Variants in SHC2 observed in about 807,000 individuals in gnomAD.
SHC2 encodes the protein SHC adaptor protein 2, also known as SHC-transforming protein 2.
A neutral mutation model predicts 60.6 loss-of-function variants in SHC2; 62 were observed. That is an observed-to-expected ratio of 1.02 (90% CI 0.83 to 1.26). The LOEUF (loss-of-function observed/expected upper bound fraction) is 1.26. Ranked by LOEUF, SHC2 falls within the 50% of genes most tolerant of loss-of-function variation. The pLI is 0.00. For missense variants in SHC2, 873 were observed against 822.2 expected, an observed-to-expected ratio of 1.06 and a Z score of -0.76; for synonymous variants, 375 against 372.4, an observed-to-expected ratio of 1.01 and a Z score of -0.08.
At chr19:439,070 G>T (rs751667761) in intron 2 of SHC2, 40 bp from the exon 3 acceptor site, 59 of 1,475,094 alleles carry the variant, frequency 4.0e-5, no homozygotes, top group Non-Finnish European at 5.2e-5. Context: ...TGTGGTGGGG[G>T]TGGCCATGGA....
rs372052249 is a variant in SHC2, at chr19:428,926, C to T, written c.1174+1758G>A. 2.4e-4 allele frequency among the ~76,000 whole-genome samples: 33 copies of T among 135,444 alleles called. No individual in the cohort carries two copies. In the South Asian group the frequency reaches 6.6e-3, roughly 27 times the overall value. The allele number at this position is 135,444 out of a possible 152,430, so 88.9% of individuals were successfully genotyped here. ...TATATCCCAACATGCACGGAAACCT[C>T]ATACCGTGTGGATGACGCAGTACCT... On this transcript the variant is annotated intron_variant, in intron 9 of 12. Coordinates refer to ENST00000264554, the MANE Select transcript of SHC2 (RefSeq NM_012435.3).
intron 11 of SHC2, among the ~76,000 whole-genome samples, chr19:421,943 A>G (rs1369655953): frequency 1.3e-5 from 2 of 152,216 alleles, no homozygotes; most frequent in Non-Finnish European, 2.9e-5. Context: ...GTAATTCTAC[A>G]GTAGCTGGTC....
chr19:429,765 C>T lies in SHC2; in HGVS notation c.1174+919G>A, dbSNP rs548790726. On this transcript the variant is annotated intron_variant, in intron 9 of 12. Transcript: ENST00000264554. ...CCCAACATGCTCGGAAACCTAACAC[C>T]GTGTGGATGACGCAGTACCTATACC... 3.2e-4 allele frequency among the ~76,000 whole-genome samples: 48 copies of T among 150,060 alleles called. No individual in the cohort carries two copies. The South Asian group carries it at 8.3e-3, about 26-fold the overall frequency.
In SHC2 at chr19:453,436, A is replaced by C. The variant is rs1236891477; in HGVS notation, c.468+7093T>G. On this transcript the variant is annotated intron_variant, in intron 1 of 12. Coordinates refer to ENST00000264554, the MANE Select transcript of SHC2 (RefSeq NM_012435.3). This position sits in a 1 kb window ranked among gnomAD's most constrained non-coding sequence, Gnocchi z 6.3. ...AGGTGTGCACCACCCTGCCTGGCTAATGTTTTTTCTTTTTTGGTAGAGACA... is the reference window on the plus strand; with the variant it reads ...AGGTGTGCACCACCCTGCCTGGCTACTGTTTTTTCTTTTTTGGTAGAGACA... 6.6e-6 allele frequency among the ~76,000 whole-genome samples: 1 copy of C among 152,004 alleles called. No homozygotes were observed. The highest frequency in any genetic ancestry group is 1.5e-5 in the Non-Finnish European group (1 of 67,990).
At position 438,317 on chromosome 19, in the gene SHC2, G is replaced by A. The variant is rs975942917; in HGVS notation, c.720+401C>T. 8.5e-5 allele frequency among the ~76,000 whole-genome samples: 13 copies of A among 152,252 alleles called. No homozygotes were observed. Among genetic ancestry groups the A allele is most frequent in the African/African-American group, 2.4e-4 (10 of 41,458 alleles). ...GTTACAGGCGTGAGCAACCAAGCCC[G>A]AGCCTGGTCTGCAATTATACTTTTG... On this transcript the variant is annotated intron_variant, in intron 4 of 12. Transcript: ENST00000264554. This position sits in a 1 kb window ranked among gnomAD's most constrained non-coding sequence, Gnocchi z 5.0.
At chr19:419,318 C>T in intron 11 of SHC2, 1 of 438,750 alleles carries the variant, frequency 2.3e-6, no homozygotes, top group Admixed American at 3.7e-5. Context: ...AAGATGCGGC[C>T]AGGTCCCAGC....
intron 1 of SHC2, among the ~76,000 whole-genome samples, chr19:457,478 C>G (rs1975377592): frequency 6.6e-6 from 1 of 152,118 alleles, no homozygotes; most frequent in South Asian, 2.1e-4. Context: ...GCCTCCTGCT[C>G]TAATATCACA....
rs1568280888 is a variant in SHC2 at position 422,351 on chromosome 19, CGGCGGGTAGGGG to C, written c.1403_1414del (p.Pro468_Arg471del). ...TTCCTCCGTGGGGGCCACAGGGGCC[CGGCGGGTAGGGG>C]GGCTGGGCCACTGGTCCTCCAAGGG... On this transcript the variant is annotated inframe_deletion, in exon 11 of 13. Coordinates refer to ENST00000264554, the MANE Select transcript of SHC2 (RefSeq NM_012435.3). This position sits in a 1 kb window ranked among gnomAD's most constrained non-coding sequence, Gnocchi z 5.0. 1 of 1,606,984 alleles carries C rather than the reference CGGCGGGTAGGGG, an allele frequency of 6.2e-7. No homozygotes were observed. Among genetic ancestry groups the C allele is most frequent in the African/African-American group, 1.3e-5 (1 of 74,790 alleles).
In SHC2 at chr19:441,023, C is replaced by A; in HGVS notation, c.469-91G>T. Reference sequence around the variant, plus strand: ...CAGCAGCCCTTCGCCGCCTCCACCACCCCTGGGGTCGAGCCCTTTCCTCTG... The same window carrying A: ...CAGCAGCCCTTCGCCGCCTCCACCAACCCTGGGGTCGAGCCCTTTCCTCTG... On this transcript the variant is annotated intron_variant, in intron 1 of 12. Coordinates refer to ENST00000264554, the MANE Select transcript of SHC2 (RefSeq NM_012435.3). This position sits in a 1 kb window ranked among gnomAD's most constrained non-coding sequence, Gnocchi z 4.9. The A allele has an allele frequency of 6.5e-7, 1 of 1,537,776 alleles. No homozygotes were observed. The highest frequency in any genetic ancestry group is 8.9e-7 in the Non-Finnish European group (1 of 1,118,590).
chr19:455,002 T>C (rs550631943), intron 1 of SHC2, among the ~76,000 whole-genome samples: 83 of 152,328 alleles, frequency 5.4e-4, no homozygotes, highest in Admixed American at 7.8e-4. Flanking sequence ...CTCACTCAGC[T>C]TCTCATAAAG....
In SHC2 at chr19:422,300, T is replaced by C; in HGVS notation, c.1466A>G (p.His489Arg). Residue 489 changes from histidine (H) to arginine (R), a missense_variant, in exon 11 of 13, where the codon CAC becomes CGC. His to Arg is a conservative substitution (Grantham distance 29, BLOSUM62 0). Coordinates refer to ENST00000264554, the MANE Select transcript of SHC2 (RefSeq NM_012435.3). This position sits in a 1 kb window ranked among gnomAD's most constrained non-coding sequence, Gnocchi z 5.0. ...TGCCGCCCGGCGGCTCATCCGGCCG[T>C]GGTACCAGGGCTCCTGACGCAGCTG... ...EEQLRQEPWY[H>R]GRMSRRAAER... 1 of 1,611,904 alleles carries C rather than the reference T, an allele frequency of 6.2e-7. No homozygotes were observed. Among genetic ancestry groups the C allele is most frequent in the Non-Finnish European group, 8.5e-7 (1 of 1,179,532 alleles).
Position 424,836 on chromosome 19 carries a change from T to C in SHC2, c.1309+261A>G, listed in dbSNP as rs1974368534. On this transcript the variant is annotated intron_variant, in intron 10 of 12. Transcript: ENST00000264554. This position sits in a 1 kb window ranked among gnomAD's most constrained non-coding sequence, Gnocchi z 4.5. ...TCACCCATTACACTGCTCGGCCGCA[T>C]TCGCTAGAGAGAATGGGCCTCCCCT... 6.6e-6 allele frequency among the ~76,000 whole-genome samples: 1 copy of C among 152,118 alleles called. No individual in the cohort carries two copies. Among genetic ancestry groups the C allele is most frequent in the Admixed American group, 6.5e-5 (1 of 15,278 alleles).
intron 8 of SHC2, among the ~76,000 whole-genome samples, chr19:434,054 G>C (rs1974641750): frequency 9.0e-6 from 1 of 111,080 alleles, no homozygotes; most frequent in South Asian, 4.0e-4. Flanking sequence ...GAGATCGTGA[G>C]TGAGAGTTAG....
rs79214389 is a variant in SHC2, at chr19:428,530, T to G, written c.1174+2154A>C. Among the ~76,000 whole-genome samples the G allele has an allele frequency of 7.9e-3, 1,206 of 152,244 alleles. 90 individuals are homozygous for G. In the East Asian group the frequency reaches 0.18, roughly 22 times the overall value. On this transcript the variant is annotated intron_variant, in intron 9 of 12. Coordinates refer to ENST00000264554, the MANE Select transcript of SHC2 (RefSeq NM_012435.3). ...CACAGCAAGGTGGAAGATGGATGGG[T>G]AGCACACCCTATCTGCAAAAACAAG...
intron 10 of SHC2, among the ~76,000 whole-genome samples, chr19:423,200 C>CCTGGGGG (rs1433885045): frequency 1.2e-3 from 48 of 38,432 alleles, no homozygotes; most frequent in Middle Eastern, 0.018. Context: ...CCGCCCTGAC[C>CCTGGGGG]CTCACTCCCT....
intron 1 of SHC2, among the ~76,000 whole-genome samples, chr19:452,422 G>A (rs552806255): frequency 9.5e-5 from 12 of 125,670 alleles, no homozygotes; most frequent in Middle Eastern, 4.0e-3. Context: ...TTGGGGCATC[G>A]TACTGACTTG....
rs887408782 is a variant in SHC2 at position 422,630 on chromosome 19, G to A, written c.1310-174C>T. 1.2e-5 allele frequency: 7 copies of A among 592,698 alleles called. No individual in the cohort carries two copies. The African/African-American group carries it at 1.3e-4, about 11-fold the overall frequency. The allele number at this position is 592,698 out of a possible 1,614,324, so 36.7% of individuals were successfully genotyped here. Reference sequence around the variant, plus strand: ...CACTCTGCCCAGCCCCGTGCGTGCGGTGGGCTCACATGTGTAGCAACCTGG... The same window carrying A: ...CACTCTGCCCAGCCCCGTGCGTGCGATGGGCTCACATGTGTAGCAACCTGG... On this transcript the variant is annotated intron_variant, in intron 10 of 12. Transcript: ENST00000264554. This position sits in a 1 kb window ranked among gnomAD's most constrained non-coding sequence, Gnocchi z 5.0.
intron 8 of SHC2, 31 bp downstream of exon 8, chr19:434,678 T>G: frequency 5.0e-6 from 8 of 1,587,602 alleles, no homozygotes; most frequent in Non-Finnish European, 6.8e-6. Context: ...GGGGCATCCC[T>G]GTCCCCATCC....
In SHC2 at chr19:453,727, C is replaced by A. The variant is rs1301502501; in HGVS notation, c.468+6802G>T. 6.6e-6 allele frequency among the ~76,000 whole-genome samples: 1 copy of A among 152,216 alleles called. No individual in the cohort carries two copies. Among genetic ancestry groups the A allele is most frequent in the African/African-American group, 2.4e-5 (1 of 41,458 alleles). On this transcript the variant is annotated intron_variant, in intron 1 of 12. Transcript: ENST00000264554. The surrounding 1 kb of genome is among the most constrained non-coding windows in gnomAD (Gnocchi z 6.3). ...TCCCCGCACCTCCCAGCTTAAGGGACCCGCGATGCAGGAAGGATGAAGTGT... is the reference window on the plus strand; with the variant it reads ...TCCCCGCACCTCCCAGCTTAAGGGAACCGCGATGCAGGAAGGATGAAGTGT...
Sources: gnomAD v4.1 joint callset for allele counts (sites outside exome capture counted in the v4.1 genomes callset) on GRCh38, gnomAD v4.1.1 for gene constraint, Gnocchi (gnomAD v3.1) non-coding constraint, MANE v1.5 for transcripts, NCBI Gene and HGNC (gene_info 2026-07-23, HGNC 2026-07-21) for gene names.